CPEB1: variants seen among roughly 807,000 people sequenced by gnomAD.
CPEB1 encodes the protein cytoplasmic polyadenylation element-binding protein 1.
In CPEB1, 7 loss-of-function variants were observed where a neutral mutation model predicts 65.8. That is an observed-to-expected ratio of 0.11 (90% CI 0.06 to 0.20). The LOEUF (loss-of-function observed/expected upper bound fraction) is 0.20, where lower values mean the gene tolerates loss of function less well. Ranked by LOEUF, CPEB1 falls within the 10% of genes least tolerant of loss-of-function variation. The pLI is 1.00. For missense variants in CPEB1, 551 were observed against 712.2 expected, an observed-to-expected ratio of 0.77 and a Z score of 2.58; for synonymous variants, 262 against 260.0, an observed-to-expected ratio of 1.01 and a Z score of -0.08.
intron 4 of CPEB1, among the ~76,000 whole-genome samples, chr15:82,566,269 T>C (rs1455275770): frequency 6.6e-6 from 1 of 152,204 alleles, no homozygotes; most frequent in African/African-American, 2.4e-5. Flanking sequence ...CAGATATTTG[T>C]TATCTAATGG....
At chr15:82,628,310 G>A in intron 2 of CPEB1, 54 bp downstream of exon 2, 1 of 702,384 alleles carries the variant, frequency 1.4e-6, no homozygotes, top group Non-Finnish European at 2.6e-6. Flanking sequence ...AAAAAAGGTT[G>A]GGAGTGAAGA....
At chr15:82,614,739 A>G (rs931849958) in intron 3 of CPEB1, among the ~76,000 whole-genome samples, 7 of 150,942 alleles carry the variant, frequency 4.6e-5, no homozygotes, top group Admixed American at 4.6e-4. Context: ...TAAAAAAAAG[A>G]AAGAAAGAAA....
chr15:82,563,503 A>ATTTTT (rs373097628), intron 4 of CPEB1, among the ~76,000 whole-genome samples: 1 of 134,760 alleles, frequency 7.4e-6, no homozygotes, highest in African/African-American at 2.7e-5. Flanking sequence ...TGTCTGACTA[A>ATTTTT]TTTTTTTTTT....
intron 3 of CPEB1, among the ~76,000 whole-genome samples, chr15:82,613,305 A>G: frequency 6.6e-6 from 1 of 152,238 alleles, no homozygotes; most frequent in African/African-American, 2.4e-5. Context: ...TAAAGGAGAA[A>G]GGTTAAATGA....
chr15:82,638,022 G>T (rs1486098028), intron 1 of CPEB1: 1 of 449,190 alleles, frequency 2.2e-6, no homozygotes, highest in Non-Finnish European at 4.5e-6. Flanking sequence ...TTAGTATCTG[G>T]TTTAATATAA....
At position 82,594,504 on chromosome 15, in the gene CPEB1, A is replaced by G. The variant is rs191536653; in HGVS notation, c.272-22972T>C. Among the ~76,000 whole-genome samples, 41 of 152,350 alleles carry G rather than the reference A, an allele frequency of 2.7e-4. No homozygotes were observed. In the East Asian group the frequency reaches 4.2e-3, roughly 16 times the overall value. On this transcript the variant is annotated intron_variant, in intron 3 of 12. Coordinates refer to ENST00000684509, the MANE Select transcript of CPEB1 (RefSeq NM_001365242.1). ...GCCTTCCTCTGGATTAAGTTTTGGC[A>G]TAAGGGAATGTTGTGGCTGATCTGA...
At chr15:82,595,153 G>A (rs1226763362) in intron 3 of CPEB1, among the ~76,000 whole-genome samples, 2 of 152,234 alleles carry the variant, frequency 1.3e-5, no homozygotes, top group African/African-American at 4.8e-5. Flanking sequence ...TCTGTGAGGT[G>A]TGATAAAATA....
At chr15:82,583,522 G>A (rs1238023039) in intron 3 of CPEB1, 1 of 152,164 alleles carries the variant, frequency 6.6e-6, no homozygotes, top group Non-Finnish European at 1.5e-5. Flanking sequence ...CATATAGAGG[G>A]TAAATTGGTA....
intron 1 of CPEB1, among the ~76,000 whole-genome samples, chr15:82,630,951 T>C (rs2046193624): frequency 6.6e-6 from 1 of 152,110 alleles, no homozygotes; most frequent in African/African-American, 2.4e-5. Context: ...AAGTACTATA[T>C]ATATATGGAC....
At position 82,558,061 on chromosome 15, in the gene CPEB1, G is replaced by C. The variant is rs1346982402; in HGVS notation, c.461-75C>G. ...CCAACAGCCTCTTTCTTCTCCTACA[G>C]CCACCCAACAAGAGATACCAAAGGC... is the stretch of plus-strand genomic sequence containing the variant. On this transcript the variant is annotated intron_variant, in intron 4 of 12. Coordinates refer to ENST00000684509, the MANE Select transcript of CPEB1 (RefSeq NM_001365242.1). 15 of 1,043,666 alleles carry C rather than the reference G, an allele frequency of 1.4e-5. No individual in the cohort carries two copies. In the Admixed American group the frequency reaches 3.6e-4, roughly 25 times the overall value. The allele number at this position is 1,043,666 out of a possible 1,614,324, so 64.7% of individuals were successfully genotyped here.
In CPEB1 at chr15:82,550,633, C is replaced by T. The variant is rs552803239; in HGVS notation, c.1282-975G>A. 3.9e-5 allele frequency among the ~76,000 whole-genome samples: 6 copies of T among 152,216 alleles called. No homozygotes were observed. The South Asian group carries it at 1.0e-3, about 26-fold the overall frequency. On this transcript the variant is annotated intron_variant, in intron 9 of 12. Transcript: ENST00000684509. ...AAGATGAAAAAGCCAATTTTGCCCACAAAAGAGTTTGGGATTACAGGACAT... is the reference window on the plus strand; with the variant it reads ...AAGATGAAAAAGCCAATTTTGCCCATAAAAGAGTTTGGGATTACAGGACAT...
At chr15:82,545,970 T>C (rs1244296497) in intron 12 of CPEB1, among the ~76,000 whole-genome samples, 2 of 150,686 alleles carry the variant, frequency 1.3e-5, no homozygotes, top group Non-Finnish European at 2.9e-5. Flanking sequence ...TTCAACATAT[T>C]TTCTTAAGAG....
intron 3 of CPEB1, among the ~76,000 whole-genome samples, chr15:82,587,688 A>G (rs1004607061): frequency 6.6e-6 from 1 of 152,230 alleles, no homozygotes; most frequent in African/African-American, 2.4e-5. Flanking sequence ...TAATTTTAAG[A>G]AATTAAAATC....
intron 3 of CPEB1, among the ~76,000 whole-genome samples, chr15:82,600,438 G>C (rs1480290983): frequency 6.6e-6 from 1 of 151,798 alleles, no homozygotes; most frequent in Non-Finnish European, 1.5e-5. Flanking sequence ...AACCCACATG[G>C]AAGAGAAATT....
intron 3 of CPEB1, among the ~76,000 whole-genome samples, chr15:82,578,813 C>G (rs528890834): frequency 6.6e-6 from 1 of 152,036 alleles, no homozygotes; most frequent in African/African-American, 2.4e-5. Context: ...GTCAGTCATA[C>G]AAAATTACAT....
rs757517586 is a variant in CPEB1, at chr15:82,571,539, T to C, written c.272-7A>G. On this transcript the variant is annotated splice_region_variant and splice_polypyrimidine_tract_variant and intron_variant, in intron 3 of 12. Transcript: ENST00000684509. ...TCTTCAGAGTCCTGGAAGTCTGTTT[T>C]GGAAAGGAGCACAGCAGAAACCTCA... The C allele has an allele frequency of 1.5e-5, 24 of 1,612,564 alleles. No homozygotes were observed. The highest frequency in any genetic ancestry group is 1.9e-5 in the Non-Finnish European group (22 of 1,179,112).
At chr15:82,558,106 C>T in intron 4 of CPEB1, 120 bp from the exon 5 acceptor site, 1 of 657,478 alleles carries the variant, frequency 1.5e-6, no homozygotes, top group South Asian at 2.1e-5. Flanking sequence ...AAAAGCATGC[C>T]AGCAAAACAC....
At chr15:82,604,426 G>C (rs1012824007) in intron 3 of CPEB1, among the ~76,000 whole-genome samples, 16 of 150,814 alleles carry the variant, frequency 1.1e-4, no homozygotes, top group Admixed American at 1.1e-3. Context: ...AGCTTGCAGT[G>C]AGCCGAGATT....
chr15:82,548,141 C>G lies in CPEB1; in HGVS notation c.1481-904G>C, dbSNP rs111955810. Among the ~76,000 whole-genome samples the G allele has an allele frequency of 4.7e-3, 716 of 152,174 alleles. 4 individuals carry two copies. Among genetic ancestry groups the G allele is most frequent in the African/African-American group, 0.016 (674 of 41,508 alleles). ...CATGAGGTCAAGAGATGGAGACCAT[C>G]CTGGCTAACATGGTGAAACCCCGTC... On this transcript the variant is annotated intron_variant, in intron 10 of 12. Coordinates refer to ENST00000684509, the MANE Select transcript of CPEB1 (RefSeq NM_001365242.1).
Sources: allele counts gnomAD v4.1 joint callset (sites outside exome capture counted in the v4.1 genomes callset), GRCh38; gene constraint gnomAD v4.1.1; transcripts MANE v1.5; gene names NCBI Gene and HGNC (gene_info 2026-07-23, HGNC 2026-07-21).